The following LAMB1 variants were observed in gnomAD, a reference collection of about 807,000 sequenced individuals.
The protein encoded by LAMB1 is laminin subunit beta 1, also known as laminin subunit beta-1.
Under a neutral mutation model 222.3 loss-of-function variants are expected in LAMB1, and 121 were observed. That is an observed-to-expected ratio of 0.54 (90% CI 0.47 to 0.63). The LOEUF is 0.63. LAMB1 is among the 30% of genes least tolerant of loss of function. The pLI is 0.00. For missense variants in LAMB1, 2,172 were observed against 2,240.8 expected (o/e 0.97, Z 0.62); for synonymous variants, 794 against 807.2 (o/e 0.98, Z 0.28).
chr7:107,993,103 G>C (rs1405403542), intron 5 of LAMB1, among the ~76,000 whole-genome samples: 2 of 152,122 alleles, frequency 1.3e-5, no homozygotes, highest in East Asian at 1.9e-4. Flanking sequence ...CGAAGGATGA[G>C]TTGTTTTCTC....
Position 108,001,542 on chromosome 7 carries a change from C to A in LAMB1, c.213+16G>T. On this transcript the variant is annotated intron_variant, in intron 3 of 33. Transcript: ENST00000222399. ...GAGGCGCTAGCAGAGCCTCGAACCC[C>A]GCTCTCAGCCCTCACCTGCAAGTGG... is the stretch of plus-strand genomic sequence containing the variant. 1 of 1,578,472 alleles carries A rather than the reference C, an allele frequency of 6.3e-7. No individual in the cohort carries two copies.
intron 24 of LAMB1, among the ~76,000 whole-genome samples, chr7:107,945,014 G>C (rs1347425350): frequency 6.6e-6 from 1 of 152,208 alleles, no homozygotes; most frequent in Non-Finnish European, 1.5e-5. Flanking sequence ...CTTTCTCTTG[G>C]AAAGGAGAGC....
intron 3 of LAMB1, among the ~76,000 whole-genome samples, chr7:108,000,962 G>T (rs2034371343): frequency 6.6e-6 from 1 of 152,122 alleles, no homozygotes; most frequent in African/African-American, 2.4e-5. Flanking sequence ...TCTAAAATTT[G>T]GGCCCTCTTT....
intron 21 of LAMB1, 86 bp from the exon 22 acceptor site, chr7:107,953,840 C>G: frequency 8.6e-7 from 1 of 1,157,590 alleles, no homozygotes; most frequent in Non-Finnish European, 1.3e-6. Context: ...CTAGAGAGAG[C>G]TGATCGTGGC....
intron 29 of LAMB1, chr7:107,929,830 C>T: frequency 1.7e-6 from 1 of 582,986 alleles, no homozygotes; most frequent in South Asian, 2.1e-5. Flanking sequence ...CAATTGAGTA[C>T]TACTAGAATT....
intron 25 of LAMB1, among the ~76,000 whole-genome samples, chr7:107,938,979 T>G (rs2116349065): frequency 6.6e-6 from 1 of 152,318 alleles, no homozygotes; most frequent in East Asian, 1.9e-4. Flanking sequence ...TCCCTCTGGC[T>G]TCTTAAAGGT....
chr7:107,949,810 C>T (rs934160251), intron 24 of LAMB1, among the ~76,000 whole-genome samples: 7 of 152,162 alleles, frequency 4.6e-5, no homozygotes, highest in Non-Finnish European at 1.0e-4. Context: ...TGGGTTTGCA[C>T]CCTGAAGGAA....
intron 20 of LAMB1, among the ~76,000 whole-genome samples, chr7:107,957,285 G>A (rs1301408247): frequency 1.3e-5 from 2 of 152,202 alleles, no homozygotes; most frequent in African/African-American, 4.8e-5. Context: ...CAGCTACTTG[G>A]GAGGCTGAGA....
At chr7:107,988,438 T>C (rs2034121356) in intron 5 of LAMB1, among the ~76,000 whole-genome samples, 1 of 151,388 alleles carries the variant, frequency 6.6e-6, no homozygotes, top group Admixed American at 6.6e-5. Flanking sequence ...ATATGATGTC[T>C]CAAACAAAAA....
chr7:107,925,693 C>G (rs1200271741), intron 32 of LAMB1, among the ~76,000 whole-genome samples: 1 of 151,998 alleles, frequency 6.6e-6, no homozygotes, highest in Non-Finnish European at 1.5e-5. Context: ...AATATAGTGC[C>G]TTCGAATGAG....
intron 24 of LAMB1, among the ~76,000 whole-genome samples, chr7:107,945,250 C>T (rs899752439): frequency 6.6e-6 from 1 of 152,126 alleles, no homozygotes; most frequent in Non-Finnish European, 1.5e-5. Flanking sequence ...GCTATTGTAC[C>T]GATTTTAAAG....
chr7:107,935,365 TTTTTTTTTG>T (rs1356955592), intron 27 of LAMB1, 41 bp downstream of exon 27: 2 of 1,126,028 alleles, frequency 1.8e-6, no homozygotes, highest in Non-Finnish European at 2.3e-6. Context: ...TTTTTTTTTT[TTTTTTTTTG>T]CTTGGCACCA....
intron 3 of LAMB1, among the ~76,000 whole-genome samples, chr7:108,000,746 T>TCAA (rs2034367195): frequency 6.6e-6 from 1 of 152,024 alleles, no homozygotes; most frequent in African/African-American, 2.4e-5. Flanking sequence ...GAGTCTATGT[T>TCAA]GTCCAGGCTG....
intron 13 of LAMB1, among the ~76,000 whole-genome samples, chr7:107,971,602 T>C (rs1195455554): frequency 1.3e-5 from 2 of 152,352 alleles, no homozygotes; most frequent in East Asian, 1.9e-4. Context: ...TTCTCAAAGA[T>C]AGGGCATCCC....
chr7:107,994,847 C>G (rs753787063), intron 5 of LAMB1, 40 bp downstream of exon 5: 1 of 1,119,128 alleles, frequency 8.9e-7, no homozygotes, highest in East Asian at 2.4e-5. Flanking sequence ...TTACACAGTG[C>G]TCTCATGTGT....
Position 107,953,585 on chromosome 7 carries a change from G to A in LAMB1, c.3024C>T (p.His1008=), listed in dbSNP as rs897085696. 5.0e-6 allele frequency: 8 copies of A among 1,614,120 alleles called. No homozygotes were observed. The highest frequency in any genetic ancestry group is 6.8e-6 in the Non-Finnish European group (8 of 1,180,042). ...LKCLYHTEGE[H]CQFCRFGYYG... is the part of the protein sequence containing the mutation. Reference sequence around the variant, plus strand: ...AGTATCCAAACCGGCAGAACTGACAGTGTTCCCCTTCCGTGTGGTACAGGC... The same window carrying A: ...AGTATCCAAACCGGCAGAACTGACAATGTTCCCCTTCCGTGTGGTACAGGC... Residue 1008 remains histidine (H), a synonymous_variant, in exon 22 of 34, where the codon CAC becomes CAT. Coordinates refer to ENST00000222399, the MANE Select transcript of LAMB1 (RefSeq NM_002291.3).
intron 14 of LAMB1, 49 bp from the exon 15 acceptor site, chr7:107,963,112 A>G (rs753586639): frequency 7.5e-5 from 110 of 1,473,310 alleles, no homozygotes; most frequent in Non-Finnish European, 9.2e-5. Context: ...ATGGAATTCA[A>G]TAATTTTCAA....
chr7:107,944,855 T>C (rs1206874578), intron 24 of LAMB1, among the ~76,000 whole-genome samples: 1 of 152,168 alleles, frequency 6.6e-6, no homozygotes, highest in Non-Finnish European at 1.5e-5. Flanking sequence ...CCCACCAGGA[T>C]CTGAAAAACT....
At position 107,978,121 on chromosome 7, in the gene LAMB1, C is replaced by T; in HGVS notation, c.926G>A (p.Cys309Tyr). 6.2e-7 allele frequency: 1 copy of T among 1,614,084 alleles called. No individual in the cohort carries two copies. The highest frequency in any genetic ancestry group is 8.5e-7 in the Non-Finnish European group (1 of 1,179,944). The change falls in exon 9 of 34, where the codon TGT becomes TAT. Residue 309 changes from cysteine (C) to tyrosine (Y), a missense_variant. Cys to Tyr is a radical substitution (Grantham distance 194). Transcript: ENST00000222399. ...MCRHNTKGLN[C>Y]ELCMDFYHDL... The stretch of plus-strand genomic sequence containing the variant: ...ATGGTAGAAATCCATGCAGAGTTCA[C>T]AGTTTAAGCCCTTGGTGTTATGCCT...
Sources: gnomAD v4.1 joint callset for allele counts (sites outside exome capture counted in the v4.1 genomes callset) on GRCh38, gnomAD v4.1.1 for gene constraint, MANE v1.5 for transcripts, NCBI Gene and HGNC (gene_info 2026-07-23, HGNC 2026-07-21) for gene names.